KANSL1: variants seen among roughly 807,000 people sequenced by gnomAD.
KANSL1 encodes MLL1/MLL complex subunit KANSL1.
In KANSL1, 22 loss-of-function variants were observed where a neutral mutation model predicts 103.6. That is an observed-to-expected ratio of 0.21 (90% CI 0.15 to 0.30). The LOEUF (loss-of-function observed/expected upper bound fraction) is 0.30. Ranked by LOEUF, KANSL1 falls within the 10% of genes least tolerant of loss-of-function variation. KANSL1 has a pLI of 1.00. For synonymous variants in KANSL1, 600 were observed against 527.6 expected, an observed-to-expected ratio of 1.14 and a Z score of -1.88; for missense variants, 1,337 against 1,399.8, an observed-to-expected ratio of 0.96 and a Z score of 0.72.
Position 46,171,780 on chromosome 17 carries a change from C to A in KANSL1, c.364G>T (p.Ala122Ser). ...PLLSQSYELRAELLGRQPVLE... is the reference protein window; with the variant it reads ...PLLSQSYELRSELLGRQPVLE... ...ACTGGCTGTCTCCCCAACAGCTCAG[C>A]TCGGAGTTCATAGGACTGAGATAAG... Residue 122 changes from alanine (A) to serine (S), a missense_variant, in exon 2 of 15, where the codon GCT (alanine) becomes TCT (serine). Around this residue, in one of 2 missense-constraint regions of KANSL1, gnomAD observed 557 missense variants for 476.4 expected, o/e 1.17. Transcript: ENST00000432791. 6.2e-7 allele frequency: 1 copy of A among 1,610,634 alleles called. No individual in the cohort carries two copies. Among genetic ancestry groups the A allele is most frequent in the Non-Finnish European group, 8.5e-7 (1 of 1,178,298 alleles).
chr17:46,175,416 C>CTCGG (rs2046475888), intron 1 of KANSL1, among the ~76,000 whole-genome samples: 1 of 151,626 alleles, frequency 6.6e-6, no homozygotes, highest in Admixed American at 6.6e-5. Flanking sequence ...GTGGCGTGAT[C>CTCGG]TCGGCTCACT....
chr17:46,161,775 C>A (rs1432399532), intron 2 of KANSL1, among the ~76,000 whole-genome samples: 1 of 152,178 alleles, frequency 6.6e-6, no homozygotes, highest in Non-Finnish European at 1.5e-5. Context: ...TTTCCCCCGC[C>A]CCCAAAACAA....
intron 1 of KANSL1, among the ~76,000 whole-genome samples, chr17:46,183,379 T>C (rs2046876109): frequency 6.7e-6 from 1 of 148,298 alleles, no homozygotes; most frequent in Non-Finnish European, 1.5e-5. Flanking sequence ...CAGGAGGAGT[T>C]TGAGACTAGC....
chr17:46,091,060 C>CA (rs1474866332), intron 3 of KANSL1, among the ~76,000 whole-genome samples: 1 of 152,204 alleles, frequency 6.6e-6, no homozygotes, highest in Non-Finnish European at 1.5e-5. Flanking sequence ...GGCACTGTCA[C>CA]AGGCAATGAA....
chr17:46,059,211 A>G (rs111372048), intron 6 of KANSL1, among the ~76,000 whole-genome samples: 2 of 152,062 alleles, frequency 1.3e-5, no homozygotes, highest in African/African-American at 4.8e-5. Context: ...CCAAAGAAAA[A>G]GCTGAAGTTG....
At chr17:46,094,837 G>A in intron 2 of KANSL1, 136 bp from the exon 3 acceptor site, 1 of 993,368 alleles carries the variant, frequency 1.0e-6, no homozygotes, top group Non-Finnish European at 1.5e-6. Flanking sequence ...CCAAGAGAGA[G>A]ACAAGACACC....
chr17:46,164,181 TAA>T lies in KANSL1; in HGVS notation c.1289+6672_1289+6673del, dbSNP rs2045885402. ...TTATTATATGACTTTAACACTACCA[TAA>T]AAGAGTACGTTCACTTCAGAGAACA... is the stretch of plus-strand genomic sequence containing the variant. On this transcript the variant is annotated intron_variant, in intron 2 of 14. Coordinates refer to ENST00000432791, the MANE Select transcript of KANSL1 (RefSeq NM_015443.4). Among the ~76,000 whole-genome samples, 4 of 152,240 alleles carry T rather than the reference TAA, an allele frequency of 2.6e-5. No individual in the cohort carries two copies. The South Asian group carries it at 8.3e-4, about 31-fold the overall frequency.
chr17:46,049,121 T>G (rs2077616998), intron 7 of KANSL1, among the ~76,000 whole-genome samples: 1 of 152,080 alleles, frequency 6.6e-6, no homozygotes, highest in Admixed American at 6.5e-5. Flanking sequence ...GTTCCTGAGT[T>G]ATCTCTATTT....
rs866023952 is a variant in KANSL1 at position 46,132,556 on chromosome 17, C to T, written c.1290-37855G>A. Among the ~76,000 whole-genome samples, 12 of 152,170 alleles carry T rather than the reference C, an allele frequency of 7.9e-5. No individual in the cohort carries two copies. In the East Asian group the frequency reaches 9.6e-4, roughly 12 times the overall value. On this transcript the variant is annotated intron_variant, in intron 2 of 14. Coordinates refer to ENST00000432791, the MANE Select transcript of KANSL1 (RefSeq NM_015443.4). ...ACTGAATCATAAATTATCAAATCTG[C>T]GCCCAGTAATCTGTGTTTTAACAGC...
chr17:46,122,512 G>A (rs1035426983), intron 2 of KANSL1, among the ~76,000 whole-genome samples: 3 of 152,110 alleles, frequency 2.0e-5, no homozygotes, highest in African/African-American at 7.2e-5. Flanking sequence ...AGAAATAATG[G>A]GGGTGATCTC....
intron 1 of KANSL1, among the ~76,000 whole-genome samples, chr17:46,175,592 C>T (rs926541164): frequency 3.3e-5 from 5 of 152,162 alleles, no homozygotes; most frequent in Admixed American, 6.5e-5. Flanking sequence ...TCAGGTGATC[C>T]GCTTGCCTCA....
intron 10 of KANSL1, chr17:46,035,117 G>GT (rs1479062755): frequency 6.6e-6 from 1 of 152,266 alleles, no homozygotes; most frequent in Non-Finnish European, 1.5e-5. Context: ...GATGGAGGAA[G>GT]AAGTCTACTA....
At chr17:46,183,248 T>C (rs2046869647) in intron 1 of KANSL1, among the ~76,000 whole-genome samples, 1 of 151,872 alleles carries the variant, frequency 6.6e-6, no homozygotes, top group African/African-American at 2.4e-5. Flanking sequence ...ATAGCCCCCA[T>C]CTAAAAAAGC....
chr17:46,086,855 G>A (rs1432588022), intron 3 of KANSL1, among the ~76,000 whole-genome samples: 1 of 152,142 alleles, frequency 6.6e-6, no homozygotes, highest in African/African-American at 2.4e-5. Flanking sequence ...ATATTCAGGA[G>A]GATCACTTAA....
intron 1 of KANSL1, among the ~76,000 whole-genome samples, chr17:46,185,678 TACACACACATATATACACAC>T (rs1281176996): frequency 5.8e-5 from 8 of 137,876 alleles, no homozygotes; most frequent in African/African-American, 2.9e-5. Flanking sequence ...CACATATATA[TACACACACATATATACACAC>T]ACACACACAC....
chr17:46,061,576 G>A (rs533115920), intron 6 of KANSL1, among the ~76,000 whole-genome samples: 7 of 151,968 alleles, frequency 4.6e-5, no homozygotes, highest in African/African-American at 1.2e-4. Flanking sequence ...TAGTAATTCC[G>A]TCATTTTATA....
At chr17:46,169,951 T>C (rs2046195893) in intron 2 of KANSL1, among the ~76,000 whole-genome samples, 1 of 152,122 alleles carries the variant, frequency 6.6e-6, no homozygotes, top group Non-Finnish European at 1.5e-5. Flanking sequence ...GTCGACACGG[T>C]GAAACTCAGT....
intron 1 of KANSL1, among the ~76,000 whole-genome samples, chr17:46,220,736 G>A (rs2458210): frequency 0.14 from 21,948 of 152,086 alleles, 2,147 homozygotes; most frequent in Non-Finnish European, 0.22. Context: ...AGCCAGGCTG[G>A]AGGACAGCGG....
chr17:46,073,680 T>A (rs1396656496), intron 4 of KANSL1, among the ~76,000 whole-genome samples: 1 of 152,158 alleles, frequency 6.6e-6, no homozygotes, highest in Non-Finnish European at 1.5e-5. Context: ...TTGAATACTG[T>A]AGTAACAAAT....
Sources: gnomAD v4.1 joint callset for allele counts (sites outside exome capture counted in the v4.1 genomes callset) on GRCh38, gnomAD v4.1.1 for gene constraint, gnomAD v4.1.1 regional missense constraint, MANE v1.5 for transcripts, NCBI Gene and HGNC (gene_info 2026-07-23, HGNC 2026-07-21) for gene names.